DIAPH2: variants seen among roughly 807,000 people sequenced by gnomAD.
DIAPH2 encodes the protein protein diaphanous homolog 2.
Under a neutral mutation model 92.7 loss-of-function variants are expected in DIAPH2, and 35 were observed. The ratio of observed to expected loss-of-function variants is 0.38; its 90% CI spans 0.29 to 0.50. The LOEUF is 0.50. Ranked by LOEUF, DIAPH2 falls within the 20% of genes least tolerant of loss-of-function variation. The pLI is 0.94. For synonymous variants in DIAPH2, 301 were observed against 280.4 expected (o/e 1.07, Z -0.73); for missense variants, 701 against 819.5 (o/e 0.86, Z 1.77).
At chrX:97,352,168 G>C (rs1163302128) in intron 24 of DIAPH2, among the ~76,000 whole-genome samples, 2 of 111,044 alleles carry the variant, frequency 1.8e-5, no homozygotes, top group African/African-American at 6.5e-5. Flanking sequence ...TAAGAGTTCT[G>C]ATGCATGTGC....
chrX:96,894,195 T>C (rs762414242), intron 5 of DIAPH2, among the ~76,000 whole-genome samples: 14 of 111,268 alleles, frequency 1.3e-4, no homozygotes, highest in Non-Finnish European at 2.6e-4. Context: ...ATTGAACATA[T>C]GCAGATTGAC....
intron 24 of DIAPH2, among the ~76,000 whole-genome samples, chrX:97,370,926 G>C (rs1267653777): frequency 8.9e-6 from 1 of 112,087 alleles, no homozygotes; most frequent in African/African-American, 3.2e-5. Flanking sequence ...TGTAGGACAG[G>C]ATTCAGCAGA....
At chrX:97,001,365 C>G (rs2066142269) in intron 17 of DIAPH2, among the ~76,000 whole-genome samples, 1 of 111,907 alleles carries the variant, frequency 8.9e-6, no homozygotes, top group African/African-American at 3.3e-5. Flanking sequence ...CAAAGCCAGT[C>G]CAGGTGCGGT....
At chrX:96,965,056 A>G (rs754789931) in intron 16 of DIAPH2, 37 bp from the exon 17 acceptor site, 13 of 1,141,222 alleles carry the variant, frequency 1.1e-5, no homozygotes, top group South Asian at 2.0e-5. Context: ...ATATGAGGTT[A>G]TAATTTAGAA....
chrX:97,417,377 CACACACACACACACACACACAT>C (rs2069958463), intron 25 of DIAPH2, among the ~76,000 whole-genome samples: 2 of 97,459 alleles, frequency 2.1e-5, no homozygotes, highest in African/African-American at 7.9e-5. Flanking sequence ...GTCACACATA[CACACACACACACACACACACAT>C]ACACACACAC....
intron 26 of DIAPH2, among the ~76,000 whole-genome samples, chrX:97,441,298 C>G (rs1183486475): frequency 9.1e-6 from 1 of 109,864 alleles, no homozygotes; most frequent in East Asian, 2.9e-4. Flanking sequence ...GCCTGTAATC[C>G]CAGCTACTCG....
At chrX:97,181,268 T>C (rs1422870215) in intron 22 of DIAPH2, among the ~76,000 whole-genome samples, 1 of 110,792 alleles carries the variant, frequency 9.0e-6, no homozygotes, top group Non-Finnish European at 1.9e-5. Context: ...ATTTTTGACA[T>C]GTTGGCCAGG....
At chrX:96,904,972 TC>T (rs1325347640) in intron 5 of DIAPH2, among the ~76,000 whole-genome samples, 1 of 111,397 alleles carries the variant, frequency 9.0e-6, no homozygotes, top group Non-Finnish European at 1.9e-5. Flanking sequence ...TTCCAGTGAT[TC>T]AGGTTGTAGT....
rs897753272 is a variant in DIAPH2, at chrX:96,914,082, C to A, written c.732+1530C>A. Among the ~76,000 whole-genome samples, 3 of 110,315 alleles carry A rather than the reference C, an allele frequency of 2.7e-5. No individual in the cohort carries two copies. In the East Asian group the frequency reaches 8.5e-4, roughly 31 times the overall value. Reference sequence around the variant, plus strand: ...CAATGCAATAAGATTATATATTAATCTATAGACAGTCTCAAGCATATGGAA... The same window carrying A: ...CAATGCAATAAGATTATATATTAATATATAGACAGTCTCAAGCATATGGAA... On this transcript the variant is annotated intron_variant, in intron 7 of 26. Transcript: ENST00000324765.
intron 4 of DIAPH2, among the ~76,000 whole-genome samples, chrX:96,834,672 A>G (rs1241744046): frequency 1.8e-5 from 2 of 111,858 alleles, no homozygotes; most frequent in Non-Finnish European, 3.8e-5. Context: ...AGAAAAGGAC[A>G]TATTTGGTAA....
chrX:97,080,762 G>A (rs1294266400), intron 19 of DIAPH2, among the ~76,000 whole-genome samples: 1 of 111,054 alleles, frequency 9.0e-6, no homozygotes, highest in Middle Eastern at 4.7e-3. Flanking sequence ...GATTCTGCAG[G>A]GAAAAAAGAT....
In DIAPH2 at chrX:97,234,331, C is replaced by CAAAA. The variant is rs1182930277; in HGVS notation, c.2720-13370_2720-13367dup. On this transcript the variant is annotated intron_variant, in intron 22 of 26. Transcript: ENST00000324765. ...AGGCAACAAGAGCGAAACTCCATCT[C>CAAAA]AAAAAAAAAAAAAAAAAGAAAAAAA... Among the ~76,000 whole-genome samples, 45 of 31,175 alleles carry CAAAA rather than the reference C, an allele frequency of 1.4e-3. 2 individuals carry two copies. The highest frequency in any genetic ancestry group is 3.8e-3 in the African/African-American group (41 of 10,753). 27.1% of individuals were successfully genotyped at this position (31,175 alleles called of 115,157 possible). A position where few individuals can be genotyped will look rare whatever the true frequency, so the allele number is the denominator to read the frequency against.
chrX:96,881,418 T>C (rs986271271), intron 4 of DIAPH2, among the ~76,000 whole-genome samples, 161 bp from the exon 5 acceptor site: 1 of 111,414 alleles, frequency 9.0e-6, no homozygotes, highest in East Asian at 2.8e-4. Flanking sequence ...TGTTGAGATA[T>C]ATACAACACA....
intron 23 of DIAPH2, among the ~76,000 whole-genome samples, chrX:97,344,625 A>G (rs926818244): frequency 1.8e-5 from 2 of 111,563 alleles, no homozygotes; most frequent in African/African-American, 6.5e-5. Flanking sequence ...TAAGTGAAGG[A>G]TTTAGAGATT....
intron 24 of DIAPH2, among the ~76,000 whole-genome samples, chrX:97,375,182 G>GTGT (rs781570964): frequency 1.8e-5 from 2 of 111,912 alleles, no homozygotes; most frequent in East Asian, 5.6e-4. Flanking sequence ...TAGGCCAGGT[G>GTGT]TGTTAGCTCA....
At chrX:97,597,879 G>C (rs1184211164) in intron 26 of DIAPH2, among the ~76,000 whole-genome samples, 1 of 111,379 alleles carries the variant, frequency 9.0e-6, no homozygotes, top group Non-Finnish European at 1.9e-5. Flanking sequence ...TAGAGAAAAT[G>C]CCTCTTTCTT....
chrX:97,286,684 G>A (rs142391467), intron 23 of DIAPH2, among the ~76,000 whole-genome samples: 1,426 of 110,922 alleles, frequency 0.013, 17 homozygotes, highest in African/African-American at 0.045. Flanking sequence ...TCACTCCCAC[G>A]TGGCTCACTT....
At chrX:96,749,145 A>T (rs370816979) in intron 3 of DIAPH2, among the ~76,000 whole-genome samples, 4,080 of 79,711 alleles carry the variant, frequency 0.051, 134 homozygotes, top group Middle Eastern at 0.08. Context: ...AAAAAAAAAA[A>T]ATATATATAT....
At chrX:97,360,578 C>T (rs1407167445) in intron 24 of DIAPH2, among the ~76,000 whole-genome samples, 1 of 111,517 alleles carries the variant, frequency 9.0e-6, no homozygotes, top group Non-Finnish European at 1.9e-5. Context: ...GAGCCAAGAT[C>T]GTGCCTCTGG....
Sources: gnomAD v4.1 joint callset for allele counts (sites outside exome capture counted in the v4.1 genomes callset) on GRCh38, gnomAD v4.1.1 for gene constraint, MANE v1.5 for transcripts, NCBI Gene and HGNC (gene_info 2026-07-23, HGNC 2026-07-21) for gene names.